Variants in NRG3 observed in about 807,000 individuals in gnomAD.
The protein encoded by NRG3 is neuregulin 3.
A neutral mutation model predicts 66.9 loss-of-function variants in NRG3; 31 were observed. That is an observed-to-expected ratio of 0.46 (90% CI 0.35 to 0.63). NRG3 has a LOEUF of 0.63. NRG3 is among the 20% of genes least tolerant of loss of function. The probability of loss-of-function intolerance (pLI) is 0.00; values close to 1 mark genes in which losing one functional copy is unlikely to be tolerated. For synonymous variants in NRG3, 393 were observed against 359.4 expected (o/e 1.09, Z -1.06); for missense variants, 910 against 878.9 (o/e 1.04, Z -0.45).
At chr10:82,370,267 G>T (rs908378329) in intron 2 of NRG3, among the ~76,000 whole-genome samples, 1 of 138,156 alleles carries the variant, frequency 7.2e-6, no homozygotes, top group Non-Finnish European at 1.5e-5. Context: ...TCAGCGAGAT[G>T]ATGAGGAGCT....
chr10:82,367,341 T>C (rs2084600086), intron 2 of NRG3, among the ~76,000 whole-genome samples: 1 of 152,150 alleles, frequency 6.6e-6, no homozygotes, highest in African/African-American at 2.4e-5. Flanking sequence ...TTTTGGTCTG[T>C]CCCTTAACCC....
intron 4 of NRG3, among the ~76,000 whole-genome samples, chr10:82,885,884 T>G (rs1298260822): frequency 2.6e-5 from 4 of 151,912 alleles, no homozygotes; most frequent in African/African-American, 9.7e-5. Flanking sequence ...TGTATTATTA[T>G]TTTTTTAGAC....
chr10:82,375,771 A>G (rs372275916), intron 2 of NRG3, among the ~76,000 whole-genome samples: 5 of 152,106 alleles, frequency 3.3e-5, no homozygotes, highest in African/African-American at 9.7e-5. Context: ...AAATGGCGTG[A>G]TTGAACATAA....
At chr10:82,158,012 C>T (rs1454918820) in intron 1 of NRG3, among the ~76,000 whole-genome samples, 2 of 151,590 alleles carry the variant, frequency 1.3e-5, no homozygotes, top group Non-Finnish European at 1.5e-5. Flanking sequence ...TTGTCTAGGT[C>T]ACTCACATAC....
rs536502841 is a variant in NRG3, at chr10:82,510,039, T to G, written c.953+151171T>G. ...ACTACCCCTGACCAAGTATCCCCTT[T>G]GTGATCTAGTGGATTCTAACTCATC... On this transcript the variant is annotated intron_variant, in intron 2 of 8. Transcript: ENST00000372141. Among the ~76,000 whole-genome samples, 183 of 152,292 alleles carry G rather than the reference T, an allele frequency of 1.2e-3. 1 individual carries two copies. Among genetic ancestry groups the G allele is most frequent in the African/African-American group, 4.2e-3 (174 of 41,556 alleles).
intron 4 of NRG3, among the ~76,000 whole-genome samples, chr10:82,885,964 C>T (rs555147745): frequency 4.6e-4 from 70 of 152,220 alleles, no homozygotes; most frequent in African/African-American, 1.5e-3. Flanking sequence ...CTCCGCCTCC[C>T]GGGCCCAAGG....
intron 6 of NRG3, among the ~76,000 whole-genome samples, chr10:82,971,413 C>T (rs990942540): frequency 5.4e-5 from 8 of 149,282 alleles, no homozygotes; most frequent in Admixed American, 1.3e-4. Context: ...TTATAATTTT[C>T]GTGACTAGTT....
chr10:82,802,744 C>T (rs2061099757), intron 3 of NRG3, among the ~76,000 whole-genome samples: 1 of 152,056 alleles, frequency 6.6e-6, no homozygotes, highest in Admixed American at 6.6e-5. Context: ...CTTTGATCTC[C>T]TGGGCTCCAA....
At chr10:82,809,935 A>G (rs1461245739) in intron 3 of NRG3, among the ~76,000 whole-genome samples, 3 of 148,108 alleles carry the variant, frequency 2.0e-5, no homozygotes, top group Non-Finnish European at 4.5e-5. Flanking sequence ...TCCAATTTCT[A>G]CACAGGTTTT....
At chr10:82,060,475 T>C (rs1434241209) in intron 1 of NRG3, among the ~76,000 whole-genome samples, 1 of 152,028 alleles carries the variant, frequency 6.6e-6, no homozygotes, top group Non-Finnish European at 1.5e-5. Context: ...TCCCTAAGAG[T>C]AGTAATTTTG....
At position 82,309,120 on chromosome 10, in the gene NRG3, G is replaced by A. The variant is rs568495548; in HGVS notation, c.824-49619G>A. Among the ~76,000 whole-genome samples the A allele has an allele frequency of 9.2e-5, 14 of 152,176 alleles. No homozygotes were observed. In the East Asian group the frequency reaches 9.7e-4, roughly 11 times the overall value. ...ATCCACTACTATTGCCCTCCCCTTG[G>A]AATTCTCCATCATTAATTCCTAAGA... On this transcript the variant is annotated intron_variant, in intron 1 of 8. Coordinates refer to ENST00000372141, the MANE Select transcript of NRG3 (RefSeq NM_001010848.4).
intron 2 of NRG3, among the ~76,000 whole-genome samples, chr10:82,736,896 A>G (rs1170351788): frequency 6.6e-6 from 1 of 152,240 alleles, no homozygotes; most frequent in Non-Finnish European, 1.5e-5. Flanking sequence ...CAAAAAGTGA[A>G]TGCATACAAT....
intron 3 of NRG3, among the ~76,000 whole-genome samples, chr10:82,809,432 T>TA (rs1158915492): frequency 6.6e-6 from 1 of 152,018 alleles, no homozygotes; most frequent in Non-Finnish European, 1.5e-5. Context: ...GTACCCCATT[T>TA]AAAAAATGTG....
At chr10:82,867,900 T>G (rs931205660) in intron 4 of NRG3, among the ~76,000 whole-genome samples, 3 of 152,128 alleles carry the variant, frequency 2.0e-5, no homozygotes, top group Non-Finnish European at 4.4e-5. Context: ...TGGCAGTGAT[T>G]CGTAGCATGG....
intron 1 of NRG3, among the ~76,000 whole-genome samples, chr10:82,197,477 A>G (rs1333784180): frequency 6.6e-6 from 1 of 152,186 alleles, no homozygotes; most frequent in Non-Finnish European, 1.5e-5. Context: ...TAAGTAATAT[A>G]TGCAAAGTGA....
chr10:82,666,938 T>G (rs2052836056), intron 2 of NRG3, among the ~76,000 whole-genome samples: 1 of 152,236 alleles, frequency 6.6e-6, no homozygotes, highest in African/African-American at 2.4e-5. Context: ...AGTAGGGTAC[T>G]TGCACATCGT....
intron 1 of NRG3, among the ~76,000 whole-genome samples, chr10:82,181,146 C>T (rs2073390442): frequency 6.6e-6 from 1 of 151,624 alleles, no homozygotes. Flanking sequence ...ACTATTTTCT[C>T]TCTTTTCTTA....
At chr10:82,704,240 C>G (rs1591242351) in intron 2 of NRG3, among the ~76,000 whole-genome samples, 2 of 152,166 alleles carry the variant, frequency 1.3e-5, no homozygotes, top group African/African-American at 4.8e-5. Context: ...CCACAACACA[C>G]ACACACTCAC....
chr10:82,870,565 T>A (rs1841248235), intron 4 of NRG3, among the ~76,000 whole-genome samples: 1 of 152,074 alleles, frequency 6.6e-6, no homozygotes, highest in African/African-American at 2.4e-5. Context: ...TGAATGAGAG[T>A]TCCTGTTGCT....
Sources: allele counts gnomAD v4.1 joint callset (sites outside exome capture counted in the v4.1 genomes callset), GRCh38; gene constraint gnomAD v4.1.1; transcripts MANE v1.5; gene names NCBI Gene and HGNC (gene_info 2026-07-23, HGNC 2026-07-21).